KPNA4: variants seen among roughly 807,000 people sequenced by gnomAD.
KPNA4 encodes karyopherin subunit alpha 4.
In KPNA4, 13 loss-of-function variants were observed where a neutral mutation model predicts 71.3. That is an observed-to-expected ratio of 0.18 (90% CI 0.12 to 0.29). The LOEUF (loss-of-function observed/expected upper bound fraction) is 0.29, where lower values mean the gene tolerates loss of function less well. KPNA4 is among the 10% of genes least tolerant of loss of function. The probability of loss-of-function intolerance (pLI) is 1.00; values close to 1 mark genes in which losing one functional copy is unlikely to be tolerated. For missense variants in KPNA4, 334 were observed against 603.2 expected (o/e 0.55, Z 4.67); for synonymous variants, 189 against 195.2 (o/e 0.97, Z 0.26).
chr3:160,524,293 A>T (rs1322591218), intron 10 of KPNA4, among the ~76,000 whole-genome samples: 2 of 152,306 alleles, frequency 1.3e-5, no homozygotes, highest in East Asian at 3.9e-4. Flanking sequence ...TTTCTAGTAG[A>T]GGTATAAACT....
chr3:160,503,477 AT>A (rs1412985351), intron 16 of KPNA4, among the ~76,000 whole-genome samples: 1 of 152,194 alleles, frequency 6.6e-6, no homozygotes, highest in Non-Finnish European at 1.5e-5. Context: ...TTCTGGTCCC[AT>A]GCATTTCAGG....
intron 5 of KPNA4, among the ~76,000 whole-genome samples, chr3:160,534,266 T>C (rs1280417006): frequency 6.6e-6 from 1 of 152,204 alleles, no homozygotes; most frequent in Non-Finnish European, 1.5e-5. Flanking sequence ...AAACTCAACA[T>C]AGGGTGTTAT....
At chr3:160,545,015 C>T (rs17826257) in intron 1 of KPNA4, among the ~76,000 whole-genome samples, 31,408 of 152,070 alleles carry the variant, frequency 0.21, 3,850 homozygotes, top group Non-Finnish European at 0.27. Context: ...TATGGCCCAG[C>T]GACTTCAAGA....
At chr3:160,564,120 G>A (rs887644197) in intron 1 of KPNA4, 12 of 152,114 alleles carry the variant, frequency 7.9e-5, no homozygotes, top group Non-Finnish European at 1.3e-4. Context: ...CAGAAGGGAA[G>A]TATTAAATCT....
At chr3:160,535,782 C>T (rs779227815) in intron 3 of KPNA4, 26 bp downstream of exon 3, 5 of 1,557,250 alleles carry the variant, frequency 3.2e-6, no homozygotes, top group Non-Finnish European at 4.3e-6. Flanking sequence ...TTTTAAGTTA[C>T]CAGAATAACA....
intron 1 of KPNA4, among the ~76,000 whole-genome samples, chr3:160,539,976 C>T (rs957631409): frequency 3.3e-5 from 5 of 150,070 alleles, no homozygotes; most frequent in South Asian, 4.2e-4. Context: ...CAGAGATTTA[C>T]GAAAAATTTT....
rs1720739976 is a variant in KPNA4, at chr3:160,495,537, A to G, written c.*6567T>C. 1 of 152,072 alleles carries G rather than the reference A, an allele frequency of 6.6e-6. No homozygotes were observed. The highest frequency in any genetic ancestry group is 6.6e-5 in the Admixed American group (1 of 15,260). The allele number at this position is 152,072 out of a possible 1,614,324, so 9.4% of individuals were successfully genotyped here. Reference sequence around the variant, plus strand: ...ACTGGTTAAAAGGAAGATTTTAAAAACTAGCTTGTCTATATGAGTTCTATA... The same window carrying G: ...ACTGGTTAAAAGGAAGATTTTAAAAGCTAGCTTGTCTATATGAGTTCTATA... On this transcript the variant is annotated 3_prime_UTR_variant, in exon 17 of 17. Transcript: ENST00000334256.
rs539992387 is a variant in KPNA4 at position 160,509,806 on chromosome 3, T to C, written c.1203A>G (p.Lys401=). ...TTTAAAAAGCTCAACTTACTTGATCTTTCCTTCCACTAATTGTTAAGTTAC... is the reference window on the plus strand; with the variant it reads ...TTTAAAAAGCTCAACTTACTTGATCCTTCCTTCCACTAATTGTTAAGTTAC... The part of the protein sequence containing the change: ...AISNLTISGR[K]DQVAYLIQQN... The change falls in exon 14 of 17, where the codon AAA becomes AAG. Residue 401 remains lysine, a synonymous_variant. Transcript: ENST00000334256. 1.9e-6 allele frequency: 3 copies of C among 1,599,602 alleles called. No homozygotes were observed. Among genetic ancestry groups the C allele is most frequent in the Non-Finnish European group, 2.6e-6 (3 of 1,167,286 alleles).
chr3:160,537,644 T>C (rs1389858165), intron 1 of KPNA4, among the ~76,000 whole-genome samples: 1 of 148,578 alleles, frequency 6.7e-6, no homozygotes, highest in East Asian at 1.9e-4. Flanking sequence ...ATACTAGATG[T>C]CTAATAAATA....
intron 15 of KPNA4, among the ~76,000 whole-genome samples, chr3:160,507,752 G>C (rs1041439603): frequency 8.5e-5 from 13 of 152,158 alleles, no homozygotes; most frequent in Non-Finnish European, 1.8e-4. Context: ...GCTTCTTCCA[G>C]AATGGATTAG....
intron 4 of KPNA4, 28 bp from the exon 5 acceptor site, chr3:160,535,593 T>C (rs770381551): frequency 3.2e-5 from 51 of 1,585,814 alleles, no homozygotes; most frequent in Non-Finnish European, 4.2e-5. Context: ...ATTTATGATG[T>C]AAATATATCA....
intron 15 of KPNA4, 103 bp downstream of exon 15, chr3:160,508,004 A>T: frequency 2.3e-6 from 2 of 871,074 alleles, no homozygotes; most frequent in Non-Finnish European, 1.7e-6. Flanking sequence ...TGTTACTTGA[A>T]TATCTAAGAC....
At chr3:160,542,267 T>C (rs1387903760) in intron 1 of KPNA4, among the ~76,000 whole-genome samples, 4 of 152,132 alleles carry the variant, frequency 2.6e-5, no homozygotes, top group African/African-American at 2.4e-5. Context: ...CCAAACACAT[T>C]TGGTAGGTAA....
intron 1 of KPNA4, among the ~76,000 whole-genome samples, chr3:160,553,222 C>G (rs1031880665): frequency 6.6e-6 from 1 of 152,094 alleles, no homozygotes; most frequent in Non-Finnish European, 1.5e-5. Flanking sequence ...CCTGAAGAAG[C>G]AGTCAAATGA....
chr3:160,511,792 T>A (rs921008263), intron 13 of KPNA4, among the ~76,000 whole-genome samples: 1 of 151,164 alleles, frequency 6.6e-6, no homozygotes, highest in African/African-American at 2.4e-5. Flanking sequence ...GTCTTTAGGA[T>A]ATATATCATC....
intron 1 of KPNA4, among the ~76,000 whole-genome samples, chr3:160,549,583 T>C (rs1237402280): frequency 1.3e-5 from 2 of 152,224 alleles, no homozygotes; most frequent in Non-Finnish European, 1.5e-5. Context: ...TTTGCCCGAA[T>C]ATGCAGGGGT....
chr3:160,509,998 T>G, intron 13 of KPNA4, 127 bp from the exon 14 acceptor site: 1 of 661,514 alleles, frequency 1.5e-6, no homozygotes, highest in South Asian at 1.8e-5. Flanking sequence ...GTATATATCA[T>G]TTTTTCTTAT....
chr3:160,565,084 G>T (rs1722318403), intron 1 of KPNA4, 130 bp downstream of exon 1: 2 of 730,270 alleles, frequency 2.7e-6, no homozygotes, highest in Admixed American at 2.4e-5. Flanking sequence ...GTCACAGACG[G>T]GCCGGCCCCT....
intron 13 of KPNA4, among the ~76,000 whole-genome samples, chr3:160,512,319 G>A (rs1157968347): frequency 3.3e-5 from 5 of 152,042 alleles, no homozygotes; most frequent in African/African-American, 1.2e-4. Context: ...ATTCTAAGAG[G>A]TTCCTGTTGG....
Sources: gnomAD v4.1 joint callset for allele counts (sites outside exome capture counted in the v4.1 genomes callset) on GRCh38, gnomAD v4.1.1 for gene constraint, MANE v1.5 for transcripts, NCBI Gene and HGNC (gene_info 2026-07-23, HGNC 2026-07-21) for gene names.